MAML2: variants seen among roughly 807,000 people sequenced by gnomAD.
The protein encoded by MAML2 is mastermind-like protein 2.
MAML2 carries 22 observed loss-of-function variants against 96.1 expected under a neutral mutation model. That is an observed-to-expected ratio of 0.23 (90% CI 0.16 to 0.33). MAML2 has a LOEUF of 0.33. MAML2 is among the 10% of genes least tolerant of loss of function. The pLI is 1.00. For synonymous variants in MAML2, 561 were observed against 521.3 expected (o/e 1.08, Z -1.04); for missense variants, 1,367 against 1,392.4 (o/e 0.98, Z 0.29).
chr11:96,020,442 G>C (rs1177515715), intron 2 of MAML2, among the ~76,000 whole-genome samples: 1 of 152,164 alleles, frequency 6.6e-6, no homozygotes, highest in East Asian at 1.9e-4. Context: ...AATTTCTCTT[G>C]TTCTCAGCTA....
intron 1 of MAML2, among the ~76,000 whole-genome samples, chr11:96,220,164 A>G (rs1862113208): frequency 6.6e-6 from 1 of 152,178 alleles, no homozygotes; most frequent in Admixed American, 6.6e-5. Flanking sequence ...GAGAGTTGAC[A>G]GAGGCTCCAA....
intron 2 of MAML2, among the ~76,000 whole-genome samples, chr11:96,030,727 G>C (rs1398243944): frequency 6.6e-6 from 1 of 152,156 alleles, no homozygotes; most frequent in African/African-American, 2.4e-5. Context: ...CCATTGACCT[G>C]ACAGAGAACT....
At chr11:96,164,893 C>A (rs983744238) in intron 1 of MAML2, among the ~76,000 whole-genome samples, 2 of 152,170 alleles carry the variant, frequency 1.3e-5, no homozygotes, top group East Asian at 3.8e-4. Context: ...CTATTTTCCT[C>A]TTCATTGAAC....
chr11:96,158,677 C>G (rs1861050251), intron 1 of MAML2, among the ~76,000 whole-genome samples: 1 of 152,152 alleles, frequency 6.6e-6, no homozygotes, highest in African/African-American at 2.4e-5. Context: ...CTGAGACTAC[C>G]ATGTGGAGAA....
At chr11:96,069,399 C>T (rs904483588) in intron 2 of MAML2, among the ~76,000 whole-genome samples, 9 of 152,110 alleles carry the variant, frequency 5.9e-5, no homozygotes, top group Admixed American at 3.9e-4. Context: ...ATTGGCTGGG[C>T]GAGGTGGCTC....
chr11:95,994,678 C>G (rs1818468552), intron 2 of MAML2, among the ~76,000 whole-genome samples: 1 of 152,132 alleles, frequency 6.6e-6, no homozygotes, highest in South Asian at 2.1e-4. Context: ...GCTTTCTACT[C>G]TCCACTTGAA....
intron 2 of MAML2, among the ~76,000 whole-genome samples, chr11:96,077,283 C>T (rs938953888): frequency 9.1e-5 from 12 of 131,688 alleles, no homozygotes; most frequent in African/African-American, 3.2e-4. Context: ...TGCAGTGGTG[C>T]GATCTAGGCT....
intron 2 of MAML2, among the ~76,000 whole-genome samples, chr11:96,063,863 A>G (rs1267643563): frequency 3.3e-5 from 5 of 152,242 alleles, no homozygotes; most frequent in Non-Finnish European, 7.3e-5. Context: ...TAGTCTAAAT[A>G]TTCTTTTTTG....
At chr11:96,035,311 A>G (rs1158670518) in intron 2 of MAML2, among the ~76,000 whole-genome samples, 1 of 152,238 alleles carries the variant, frequency 6.6e-6, no homozygotes, top group Non-Finnish European at 1.5e-5. Flanking sequence ...TCTGATTTTA[A>G]AATTTCAAAT....
chr11:95,992,318 G>A (rs1426937106), intron 2 of MAML2, among the ~76,000 whole-genome samples: 7 of 152,068 alleles, frequency 4.6e-5, no homozygotes, highest in Non-Finnish European at 8.8e-5. Context: ...CAGGTATCTC[G>A]GCGCAAGAAT....
intron 4 of MAML2, among the ~76,000 whole-genome samples, chr11:95,983,534 T>A (rs117187229): frequency 0.021 from 3,256 of 152,270 alleles, 48 homozygotes; most frequent in Non-Finnish European, 0.035. Flanking sequence ...TACTATGTTT[T>A]CAAATACCAA....
intron 2 of MAML2, among the ~76,000 whole-genome samples, chr11:96,076,202 T>C (rs1394298042): frequency 2.0e-5 from 3 of 152,112 alleles, no homozygotes; most frequent in African/African-American, 7.2e-5. Flanking sequence ...GAAATATGTG[T>C]AAAACCTGGA....
intron 1 of MAML2, among the ~76,000 whole-genome samples, chr11:96,169,112 G>A (rs968889766): frequency 3.3e-5 from 5 of 152,126 alleles, no homozygotes; most frequent in African/African-American, 1.2e-4. Flanking sequence ...TTGTTGTTCT[G>A]ACTCCCATGC....
At chr11:96,104,078 C>T (rs141639541) in intron 1 of MAML2, among the ~76,000 whole-genome samples, 3 of 152,266 alleles carry the variant, frequency 2.0e-5, no homozygotes, top group African/African-American at 7.2e-5. Context: ...ATCTAAAGTA[C>T]ATGTTCATGT....
At chr11:96,326,339 A>C (rs1294624580) in intron 1 of MAML2, among the ~76,000 whole-genome samples, 1 of 148,686 alleles carries the variant, frequency 6.7e-6, no homozygotes, top group Non-Finnish European at 1.5e-5. Context: ...CTGGAACTCT[A>C]TTTTTAATCA....
chr11:96,306,255 T>G (rs1863460274), intron 1 of MAML2, among the ~76,000 whole-genome samples: 1 of 152,136 alleles, frequency 6.6e-6, no homozygotes, highest in Non-Finnish European at 1.5e-5. Context: ...AAAATGGAAA[T>G]TGTGAAGCTC....
At chr11:96,177,916 T>TTGTGTGTGTG (rs58447778) in intron 1 of MAML2, among the ~76,000 whole-genome samples, 2,443 of 139,892 alleles carry the variant, frequency 0.017, 40 homozygotes, top group Middle Eastern at 0.058. Context: ...GAGACCTTAG[T>TTGTGTGTGTG]TGTGTGTGTG....
At chr11:96,111,338 T>C (rs1035247718) in intron 1 of MAML2, among the ~76,000 whole-genome samples, 1 of 152,206 alleles carries the variant, frequency 6.6e-6, no homozygotes, top group Admixed American at 6.5e-5. Context: ...CCTGTACCTA[T>C]TCCTAGCAAA....
intron 1 of MAML2, among the ~76,000 whole-genome samples, chr11:96,233,128 CAAT>C (rs1862319376): frequency 6.8e-6 from 1 of 146,336 alleles, no homozygotes; most frequent in Non-Finnish European, 1.5e-5. Context: ...AAAGAAAAAA[CAAT>C]ATCTGTCACC....
Sources: allele counts gnomAD v4.1 joint callset (sites outside exome capture counted in the v4.1 genomes callset), GRCh38; gene constraint gnomAD v4.1.1; transcripts MANE v1.5; gene names NCBI Gene and HGNC (gene_info 2026-07-23, HGNC 2026-07-21).